SLC35F3: variants seen among roughly 807,000 people sequenced by gnomAD.
The protein encoded by SLC35F3 is solute carrier family 35 member F3.
In SLC35F3, 25 loss-of-function variants were observed where a neutral mutation model predicts 49.9. The observed-to-expected ratio is 0.50, with a 90% CI of 0.37 to 0.70. The LOEUF (loss-of-function observed/expected upper bound fraction) is 0.70. SLC35F3 is among the 30% of genes least tolerant of loss of function. The pLI is 0.00. For missense variants in SLC35F3, 525 were observed against 639.8 expected, an observed-to-expected ratio of 0.82 and a Z score of 1.94; for synonymous variants, 275 against 265.4, an observed-to-expected ratio of 1.04 and a Z score of -0.35.
chr1:234,202,740 A>G (rs537587058), intron 2 of SLC35F3, among the ~76,000 whole-genome samples: 5 of 152,248 alleles, frequency 3.3e-5, no homozygotes, highest in Admixed American at 6.5e-5. Context: ...GCACCTGTCT[A>G]AGACAGATAA....
In SLC35F3 at chr1:233,904,956, C is replaced by A. The variant is rs573158431; in HGVS notation, c.-122C>A. On this transcript the variant is annotated 5_prime_UTR_variant, in exon 1 of 8. Coordinates refer to ENST00000366618, the MANE Select transcript of SLC35F3 (RefSeq NM_173508.4). ...ACAAAGCGGCCCGGGGCGGCCGGCG[C>A]GGCGCAGACCCTCGGTGGGCAGCGC... 13 of 1,132,272 alleles carry A rather than the reference C, an allele frequency of 1.1e-5. No individual in the cohort carries two copies. The African/African-American group carries it at 2.0e-4, about 17-fold the overall frequency. 70.1% of individuals were successfully genotyped at this position (1,132,272 alleles called of 1,614,324 possible).
At chr1:234,182,854 C>A (rs1004823097) in intron 2 of SLC35F3, among the ~76,000 whole-genome samples, 1 of 152,274 alleles carries the variant, frequency 6.6e-6, no homozygotes, top group East Asian at 1.9e-4. Flanking sequence ...ATTTGCATTT[C>A]TCTTCCTGTG....
At chr1:234,137,663 A>G (rs925762895) in intron 2 of SLC35F3, among the ~76,000 whole-genome samples, 17 of 152,218 alleles carry the variant, frequency 1.1e-4, no homozygotes, top group Admixed American at 2.0e-4. Context: ...CGTTAGTTAC[A>G]TGCTCAGGGA....
intron 2 of SLC35F3, among the ~76,000 whole-genome samples, chr1:234,017,323 C>A (rs889594781): frequency 6.6e-6 from 1 of 152,104 alleles, no homozygotes; most frequent in Non-Finnish European, 1.5e-5. Flanking sequence ...TGAAGCATTG[C>A]TCCTGGGAAA....
chr1:233,936,854 G>C (rs928505921), intron 2 of SLC35F3, among the ~76,000 whole-genome samples: 7 of 152,026 alleles, frequency 4.6e-5, no homozygotes, highest in Non-Finnish European at 8.8e-5. Flanking sequence ...ATGCTGGGCT[G>C]ATTTTTCAGA....
intron 2 of SLC35F3, among the ~76,000 whole-genome samples, chr1:234,197,050 A>G (rs570868695): frequency 5.9e-5 from 9 of 152,260 alleles, no homozygotes; most frequent in Non-Finnish European, 1.2e-4. Flanking sequence ...CTGAGCTTCA[A>G]TCTGATTAAT....
At chr1:234,301,263 G>T (rs1435266812) in intron 3 of SLC35F3, among the ~76,000 whole-genome samples, 1 of 152,122 alleles carries the variant, frequency 6.6e-6, no homozygotes, top group East Asian at 1.9e-4. Flanking sequence ...ACAAGATCGG[G>T]CGTGTTCAGG....
chr1:234,272,054 A>T (rs1057053451), intron 3 of SLC35F3, among the ~76,000 whole-genome samples: 1 of 152,326 alleles, frequency 6.6e-6, no homozygotes, highest in East Asian at 1.9e-4. Context: ...TGAGCTCAGG[A>T]TGCAGAGGCT....
intron 2 of SLC35F3, among the ~76,000 whole-genome samples, chr1:234,154,803 A>T (rs555422792): frequency 6.6e-6 from 1 of 152,312 alleles, no homozygotes; most frequent in South Asian, 2.1e-4. Context: ...CTTCAGGCCT[A>T]CCCAAGAGCC....
chr1:234,092,606 A>G (rs557559262), intron 2 of SLC35F3, among the ~76,000 whole-genome samples: 2 of 152,314 alleles, frequency 1.3e-5, no homozygotes, highest in South Asian at 2.1e-4. Context: ...GGCAGTTCAC[A>G]CCTGTAATCT....
rs188256914 is a variant in SLC35F3, at chr1:233,955,368, A to C, written c.283+49610A>C. Among the ~76,000 whole-genome samples the C allele has an allele frequency of 3.9e-5, 6 of 152,208 alleles. No homozygotes were observed. The East Asian group carries it at 1.2e-3, about 29-fold the overall frequency. On this transcript the variant is annotated intron_variant, in intron 2 of 7. Transcript: ENST00000366618. ...CTCTGAAACTGCTCTTCCTCCCTGC[A>C]ACCCCCAGCGTATGCCCCAATCTGG... is the stretch of plus-strand genomic sequence containing the variant.
At chr1:234,116,508 T>G (rs1665489145) in intron 2 of SLC35F3, among the ~76,000 whole-genome samples, 1 of 138,548 alleles carries the variant, frequency 7.2e-6, no homozygotes, top group Non-Finnish European at 1.5e-5. Context: ...TTTTTGTTTT[T>G]ATTTATTTAT....
intron 3 of SLC35F3, among the ~76,000 whole-genome samples, chr1:234,298,382 T>C (rs1572140949): frequency 6.6e-6 from 1 of 152,166 alleles, no homozygotes; most frequent in Non-Finnish European, 1.5e-5. Context: ...GGTAAGCCAA[T>C]GAAAGTTTTT....
At chr1:234,223,240 G>C (rs1343569300) in intron 2 of SLC35F3, among the ~76,000 whole-genome samples, 1 of 152,180 alleles carries the variant, frequency 6.6e-6, no homozygotes, top group East Asian at 1.9e-4. Context: ...ATGGAAGTGA[G>C]GTAGAAATGC....
At chr1:233,912,207 C>T (rs1429371604) in intron 2 of SLC35F3, among the ~76,000 whole-genome samples, 2 of 152,050 alleles carry the variant, frequency 1.3e-5, no homozygotes, top group Non-Finnish European at 2.9e-5. Flanking sequence ...TCGCCGTGCG[C>T]GGTGGCTCAT....
At chr1:233,980,791 ATAAT>A (rs1415733467) in intron 2 of SLC35F3, among the ~76,000 whole-genome samples, 4 of 152,250 alleles carry the variant, frequency 2.6e-5, no homozygotes, top group African/African-American at 9.6e-5. Context: ...GTCAATTGTG[ATAAT>A]TGATAGTAAT....
chr1:234,175,486 CA>C (rs1453536958), intron 2 of SLC35F3, among the ~76,000 whole-genome samples: 1 of 151,996 alleles, frequency 6.6e-6, no homozygotes, highest in Non-Finnish European at 1.5e-5. Context: ...ATAGCAACCC[CA>C]CACCACCAGC....
chr1:234,139,029 A>G (rs947162476), intron 2 of SLC35F3, among the ~76,000 whole-genome samples: 7 of 152,282 alleles, frequency 4.6e-5, no homozygotes, highest in East Asian at 1.9e-4. Context: ...GGTAGTGACT[A>G]TTTGTACAGT....
At chr1:234,183,566 A>C (rs12746783) in intron 2 of SLC35F3, among the ~76,000 whole-genome samples, 32,484 of 142,200 alleles carry the variant, frequency 0.23, 6,943 homozygotes, top group South Asian at 0.36. Flanking sequence ...TATATGCATA[A>C]ATACGTAGCA....
Sources: allele counts gnomAD v4.1 joint callset (sites outside exome capture counted in the v4.1 genomes callset), GRCh38; gene constraint gnomAD v4.1.1; transcripts MANE v1.5; gene names NCBI Gene and HGNC (gene_info 2026-07-23, HGNC 2026-07-21).